The following MARCHF1 variants were observed in gnomAD, a reference collection of about 807,000 sequenced individuals.
MARCHF1 encodes the protein E3 ubiquitin-protein ligase MARCHF1.
Under a neutral mutation model 54.2 loss-of-function variants are expected in MARCHF1, and 40 were observed. That is an observed-to-expected ratio of 0.74 (90% CI 0.57 to 0.96). The LOEUF (loss-of-function observed/expected upper bound fraction) is 0.96. Ranked by LOEUF, MARCHF1 falls within the 40% of genes least tolerant of loss-of-function variation. The pLI is 0.00. For missense variants in MARCHF1, 586 were observed against 656.5 expected (o/e 0.89, Z 1.17); for synonymous variants, 236 against 236.3 (o/e 1.00, Z 0.01).
intron 2 of MARCHF1, among the ~76,000 whole-genome samples, chr4:164,078,905 A>C (rs962363692): frequency 3.3e-5 from 5 of 151,936 alleles, no homozygotes; most frequent in African/African-American, 9.7e-5. Flanking sequence ...TGTACCCTAA[A>C]ACTTAAAGTA....
intron 5 of MARCHF1, among the ~76,000 whole-genome samples, chr4:163,683,414 C>T (rs563986932): frequency 6.6e-6 from 1 of 152,142 alleles, no homozygotes; most frequent in Non-Finnish European, 1.5e-5. Context: ...CATTCCCTCC[C>T]ACAACATGTG....
At chr4:163,761,374 T>C (rs1746821323) in intron 4 of MARCHF1, among the ~76,000 whole-genome samples, 1 of 152,160 alleles carries the variant, frequency 6.6e-6, no homozygotes, top group Non-Finnish European at 1.5e-5. Flanking sequence ...CAATCATGAG[T>C]TTGAGCCCAC....
intron 1 of MARCHF1, among the ~76,000 whole-genome samples, chr4:164,234,545 TTA>T (rs573203848): frequency 3.7e-4 from 57 of 152,254 alleles, no homozygotes; most frequent in African/African-American, 1.3e-3. Flanking sequence ...CCTTTTTTCT[TTA>T]TAAAATGCAT....
At chr4:163,884,846 T>G (rs1171580625) in intron 3 of MARCHF1, among the ~76,000 whole-genome samples, 5 of 152,144 alleles carry the variant, frequency 3.3e-5, no homozygotes, top group African/African-American at 1.2e-4. Context: ...GATAAATGAA[T>G]GGATACCAAA....
chr4:164,076,750 A>G (rs1754989820), intron 2 of MARCHF1, among the ~76,000 whole-genome samples: 1 of 152,210 alleles, frequency 6.6e-6, no homozygotes, highest in Admixed American at 6.5e-5. Flanking sequence ...TAAGAGACAG[A>G]GAGCCAAATC....
intron 8 of MARCHF1, among the ~76,000 whole-genome samples, chr4:163,569,808 G>A (rs1214575911): frequency 6.6e-6 from 1 of 152,054 alleles, no homozygotes; most frequent in African/African-American, 2.4e-5. Flanking sequence ...TCTGTACAAT[G>A]ATTTATTACA....
chr4:164,328,017 G>A (rs537105098), intron 1 of MARCHF1, among the ~76,000 whole-genome samples: 1 of 152,166 alleles, frequency 6.6e-6, no homozygotes, highest in Non-Finnish European at 1.5e-5. Flanking sequence ...ACAAAACCGT[G>A]TGCCATCAGA....
chr4:163,940,684 C>T (rs1390813255), intron 3 of MARCHF1, among the ~76,000 whole-genome samples: 3 of 151,926 alleles, frequency 2.0e-5, no homozygotes, highest in Non-Finnish European at 4.4e-5. Context: ...ATTTGTGTGT[C>T]TTAGTAAAAT....
chr4:164,015,708 A>C (rs1753524992), intron 2 of MARCHF1, among the ~76,000 whole-genome samples: 1 of 152,172 alleles, frequency 6.6e-6, no homozygotes, highest in Non-Finnish European at 1.5e-5. Context: ...GTATATGAAA[A>C]AAAAAATGCC....
intron 2 of MARCHF1, among the ~76,000 whole-genome samples, chr4:164,031,726 G>A (rs924782566): frequency 2.6e-5 from 4 of 152,064 alleles, no homozygotes; most frequent in African/African-American, 9.7e-5. Context: ...TGCTGGATTT[G>A]GTTTGCCAGT....
intron 1 of MARCHF1, among the ~76,000 whole-genome samples, chr4:164,364,650 A>T (rs543178252): frequency 1.3e-4 from 20 of 150,948 alleles, no homozygotes; most frequent in Admixed American, 3.3e-4. Flanking sequence ...TCAATCTCAA[A>T]TTTTTTGTAA....
At chr4:163,760,623 T>A (rs949633230) in intron 4 of MARCHF1, among the ~76,000 whole-genome samples, 4 of 152,206 alleles carry the variant, frequency 2.6e-5, no homozygotes, top group African/African-American at 9.6e-5. Context: ...GATGCAGAAC[T>A]GGAGATACAA....
rs1472189702 is a variant in MARCHF1 at position 163,869,241 on chromosome 4, G to A, written c.-38-15072C>T. Among the ~76,000 whole-genome samples the A allele has an allele frequency of 2.0e-5, 3 of 152,026 alleles. No homozygotes were observed. The East Asian group carries it at 5.8e-4, about 29-fold the overall frequency. ...ATTTCCCCAAGCATAATCTAGTTCTGTGATAACTTGGACATTTACGCAAGC... is the reference window on the plus strand; with the variant it reads ...ATTTCCCCAAGCATAATCTAGTTCTATGATAACTTGGACATTTACGCAAGC... On this transcript the variant is annotated intron_variant, in intron 3 of 9. Coordinates refer to ENST00000514618, the MANE Select transcript of MARCHF1 (RefSeq NM_001394959.1).
At chr4:164,167,246 C>T (rs561160759) in intron 1 of MARCHF1, among the ~76,000 whole-genome samples, 1 of 151,600 alleles carries the variant, frequency 6.6e-6, no homozygotes, top group East Asian at 1.9e-4. Context: ...AAATTCTTGA[C>T]CATAGTGAGA....
chr4:163,643,158 C>CAA lies in MARCHF1; in HGVS notation c.163-29767_163-29766dup, dbSNP rs34228966. Among the ~76,000 whole-genome samples, 877 of 104,112 alleles carry CAA rather than the reference C, an allele frequency of 8.4e-3. 7 individuals carry two copies. Among genetic ancestry groups the CAA allele is most frequent in the African/African-American group, 0.025 (704 of 27,758 alleles). 68.3% of individuals were successfully genotyped at this position (104,112 alleles called of 152,430 possible). A position where few individuals can be genotyped will look rare whatever the true frequency, so the allele number is the denominator to read the frequency against. On this transcript the variant is annotated intron_variant, in intron 5 of 9. Transcript: ENST00000514618. ...TAAAACCCTGTATCTACTATAAATACAAAAAAAAAAAAAAAAAAATTAGCC... is the reference window on the plus strand; with the variant it reads ...TAAAACCCTGTATCTACTATAAATACAAAAAAAAAAAAAAAAAAAAATTAGCC...
At chr4:164,168,814 A>G (rs1439035957) in intron 1 of MARCHF1, among the ~76,000 whole-genome samples, 1 of 152,056 alleles carries the variant, frequency 6.6e-6, no homozygotes, top group Non-Finnish European at 1.5e-5. Context: ...CTGATAGCCT[A>G]CTGTTAACTG....
At chr4:164,114,298 T>C (rs17044501) in intron 1 of MARCHF1, among the ~76,000 whole-genome samples, 3,774 of 152,022 alleles carry the variant, frequency 0.025, 139 homozygotes, top group African/African-American at 0.086. Flanking sequence ...GCACTGGTTA[T>C]ATTTAATATA....
intron 5 of MARCHF1, among the ~76,000 whole-genome samples, chr4:163,627,589 C>T (rs1023651443): frequency 4.6e-5 from 7 of 151,980 alleles, no homozygotes; most frequent in Admixed American, 2.0e-4. Context: ...GGTTAAGTAT[C>T]GTTCAATCTT....
intron 2 of MARCHF1, among the ~76,000 whole-genome samples, chr4:164,085,924 A>C (rs1337200855): frequency 6.6e-6 from 1 of 151,772 alleles, no homozygotes; most frequent in Non-Finnish European, 1.5e-5. Flanking sequence ...AAATCTTGGC[A>C]AACTTCCTGT....
Sources: gnomAD v4.1 joint callset for allele counts (sites outside exome capture counted in the v4.1 genomes callset) on GRCh38, gnomAD v4.1.1 for gene constraint, MANE v1.5 for transcripts, NCBI Gene and HGNC (gene_info 2026-07-23, HGNC 2026-07-21) for gene names.